Variants in APBB2 observed in about 807,000 individuals in gnomAD.
APBB2 encodes amyloid beta precursor protein binding family B member 2.
APBB2 carries 38 observed loss-of-function variants against 82.5 expected under a neutral mutation model. The observed-to-expected ratio is 0.46, with a 90% CI of 0.36 to 0.60. The LOEUF is 0.60. Among genes scored for constraint, APBB2 ranks in the 20% least tolerant of loss-of-function variants. The pLI is 0.00. For synonymous variants in APBB2, 341 were observed against 368.2 expected (o/e 0.93, Z 0.85); for missense variants, 772 against 972.3 (o/e 0.79, Z 2.74).
intron 6 of APBB2, among the ~76,000 whole-genome samples, chr4:40,992,358 A>C (rs963688033): frequency 7.5e-5 from 2 of 26,814 alleles, no homozygotes; most frequent in South Asian, 4.3e-3. Flanking sequence ...TTTTTGGTAG[A>C]GATGGGGGGG....
chr4:41,202,901 AT>A (rs1777042209), intron 1 of APBB2, among the ~76,000 whole-genome samples: 1 of 152,240 alleles, frequency 6.6e-6, no homozygotes, highest in South Asian at 2.1e-4. Context: ...AAATGTTCGT[AT>A]AAAAATCATT....
chr4:41,189,377 A>G (rs1773788645), intron 1 of APBB2, among the ~76,000 whole-genome samples: 1 of 152,204 alleles, frequency 6.6e-6, no homozygotes, highest in South Asian at 2.1e-4. Flanking sequence ...GAGGAAGGCC[A>G]CAGGAGGGAT....
At chr4:41,058,705 A>G (rs1413660957) in intron 4 of APBB2, among the ~76,000 whole-genome samples, 1 of 152,206 alleles carries the variant, frequency 6.6e-6, no homozygotes, top group Non-Finnish European at 1.5e-5. Context: ...ATTAATACTT[A>G]ACATCTAAAG....
intron 6 of APBB2, among the ~76,000 whole-genome samples, chr4:40,973,642 G>A (rs1320441775): frequency 6.6e-6 from 1 of 152,142 alleles, no homozygotes; most frequent in Non-Finnish European, 1.5e-5. Flanking sequence ...AAGGCAAAAA[G>A]TCTAAAATCA....
chr4:41,093,803 A>G (rs775550719), intron 3 of APBB2, among the ~76,000 whole-genome samples: 3 of 152,114 alleles, frequency 2.0e-5, no homozygotes, highest in Non-Finnish European at 4.4e-5. Flanking sequence ...GCGGTGAGCC[A>G]AGATTGTGCC....
chr4:40,848,764 C>T (rs1172058079), intron 12 of APBB2, among the ~76,000 whole-genome samples: 3 of 151,922 alleles, frequency 2.0e-5, no homozygotes, highest in Non-Finnish European at 2.9e-5. Context: ...CGTTTTGCTC[C>T]GAAACATACA....
At chr4:40,906,464 C>CAAAAAAAAAAAAAAAAAAAAAAAAAAA (rs5857755) in intron 10 of APBB2, among the ~76,000 whole-genome samples, 6 of 68,000 alleles carry the variant, frequency 8.8e-5, no homozygotes, top group Non-Finnish European at 1.3e-4. Context: ...AAACCTGTCT[C>CAAAAAAAAAAAAAAAAAAAAAAAAAAA]AAAAAAAAAA....
At chr4:40,854,790 C>CAAAA (rs80240731) in intron 12 of APBB2, among the ~76,000 whole-genome samples, 1 of 124,820 alleles carries the variant, frequency 8.0e-6, no homozygotes, top group South Asian at 2.6e-4. Flanking sequence ...AGTCCATCTC[C>CAAAA]AAAAAAAAAA....
intron 12 of APBB2, among the ~76,000 whole-genome samples, chr4:40,833,286 GA>G (rs1353139644): frequency 6.6e-6 from 1 of 152,182 alleles, no homozygotes; most frequent in African/African-American, 2.4e-5. Flanking sequence ...TGGATTTTAA[GA>G]GTTCCAAAAT....
chr4:41,046,594 TA>T (rs5857769), intron 4 of APBB2, among the ~76,000 whole-genome samples: 68 of 149,638 alleles, frequency 4.5e-4, no homozygotes, highest in African/African-American at 1.2e-3. Flanking sequence ...TTCTCCAGTT[TA>T]AAAAAAAAAA....
chr4:41,101,213 C>T (rs1580035792), intron 2 of APBB2, among the ~76,000 whole-genome samples: 2 of 152,030 alleles, frequency 1.3e-5, no homozygotes, highest in South Asian at 4.2e-4. Flanking sequence ...GCCTGTAATC[C>T]CAGCACTTTG....
At chr4:41,170,342 C>T (rs1398760117) in intron 1 of APBB2, among the ~76,000 whole-genome samples, 1 of 152,216 alleles carries the variant, frequency 6.6e-6, no homozygotes. Flanking sequence ...TAAGCACCTA[C>T]GGTGCCCCCA....
At chr4:41,164,160 T>C (rs1446013151) in intron 1 of APBB2, among the ~76,000 whole-genome samples, 1 of 152,150 alleles carries the variant, frequency 6.6e-6, no homozygotes, top group Non-Finnish European at 1.5e-5. Flanking sequence ...TAAAGGAAAT[T>C]TTACACAATA....
intron 2 of APBB2, among the ~76,000 whole-genome samples, chr4:41,140,891 C>A (rs2585589): frequency 0.98 from 148,881 of 152,284 alleles, 72,781 homozygotes; most frequent in East Asian, 1. Flanking sequence ...GTTGCAGGAA[C>A]ACAAGCTCAG....
chr4:40,967,124 C>T (rs1560408139), intron 6 of APBB2, among the ~76,000 whole-genome samples: 1 of 152,158 alleles, frequency 6.6e-6, no homozygotes, highest in African/African-American at 2.4e-5. Flanking sequence ...AGTGGGTTTC[C>T]TCTCTGCTGA....
intron 10 of APBB2, among the ~76,000 whole-genome samples, chr4:40,903,231 C>A (rs1232079492): frequency 8.2e-6 from 1 of 121,296 alleles, no homozygotes; most frequent in African/African-American, 3.8e-5. Flanking sequence ...GAGGCCAAGG[C>A]CGGTGGATCA....
chr4:41,208,322 C>T (rs1205290596), intron 1 of APBB2, among the ~76,000 whole-genome samples: 1 of 152,100 alleles, frequency 6.6e-6, no homozygotes, highest in Admixed American at 6.6e-5. Flanking sequence ...AGTGCAGTGG[C>T]GCGGTCTCAG....
chr4:41,138,835 G>A (rs1336923343), intron 2 of APBB2, among the ~76,000 whole-genome samples: 1 of 152,046 alleles, frequency 6.6e-6, no homozygotes, highest in African/African-American at 2.4e-5. Context: ...GAAAATACTA[G>A]CAAAGTCATA....
intron 10 of APBB2, among the ~76,000 whole-genome samples, chr4:40,898,857 A>T (rs1432505306): frequency 1.6e-5 from 1 of 64,452 alleles, no homozygotes; most frequent in Non-Finnish European, 3.7e-5. Context: ...ACACACACTC[A>T]CACACACACA....
Sources: allele counts gnomAD v4.1 joint callset (sites outside exome capture counted in the v4.1 genomes callset), GRCh38; gene constraint gnomAD v4.1.1; transcripts MANE v1.5; gene names NCBI Gene and HGNC (gene_info 2026-07-23, HGNC 2026-07-21).